ZBTB20: variants seen among roughly 807,000 people sequenced by gnomAD.
ZBTB20 encodes the protein zinc finger and BTB domain containing 20.
Under a neutral mutation model 56.9 loss-of-function variants are expected in ZBTB20, and 9 were observed. The ratio of observed to expected loss-of-function variants is 0.16; its 90% CI spans 0.10 to 0.28. The LOEUF (loss-of-function observed/expected upper bound fraction) is 0.28. Among genes scored for constraint, ZBTB20 ranks in the 10% least tolerant of loss-of-function variants. The pLI, the probability that ZBTB20 is intolerant of heterozygous loss-of-function variation, is 1.00. For synonymous variants in ZBTB20, 417 were observed against 420.7 expected (o/e 0.99, Z 0.11); for missense variants, 655 against 1,003.0 (o/e 0.65, Z 4.69).
intron 7 of ZBTB20, among the ~76,000 whole-genome samples, chr3:114,493,391 A>C (rs1482986160): frequency 6.6e-6 from 1 of 152,174 alleles, no homozygotes; most frequent in Non-Finnish European, 1.5e-5. Flanking sequence ...TCTGGGATAA[A>C]TGCCCCAAAG....
chr3:114,836,411 T>C (rs1199566985), intron 4 of ZBTB20, among the ~76,000 whole-genome samples: 6 of 152,216 alleles, frequency 3.9e-5, no homozygotes, highest in African/African-American at 1.4e-4. Flanking sequence ...GAAATGGTTT[T>C]CCAAAGCAAG....
intron 2 of ZBTB20, among the ~76,000 whole-genome samples, chr3:115,048,974 C>G (rs2081439861): frequency 6.6e-6 from 1 of 152,130 alleles, no homozygotes; most frequent in South Asian, 2.1e-4. Flanking sequence ...TCCATTCATA[C>G]TGAACTATGT....
At chr3:115,082,996 C>T (rs1292828452) in intron 1 of ZBTB20, among the ~76,000 whole-genome samples, 3 of 152,028 alleles carry the variant, frequency 2.0e-5, no homozygotes, top group Admixed American at 2.0e-4. Context: ...CCTGCTCAAA[C>T]CAAATGCTTT....
intron 2 of ZBTB20, among the ~76,000 whole-genome samples, chr3:115,041,150 A>G (rs185616760): frequency 3.4e-4 from 52 of 152,282 alleles, no homozygotes; most frequent in Admixed American, 3.0e-3. Context: ...GGAATCTTAA[A>G]TTTCTCTTGC....
chr3:115,050,807 A>G (rs1240513363), intron 2 of ZBTB20, among the ~76,000 whole-genome samples: 1 of 152,092 alleles, frequency 6.6e-6, no homozygotes, highest in Admixed American at 6.5e-5. Flanking sequence ...TTAAAATATC[A>G]CTGTGTAGTT....
chr3:114,575,105 T>C (rs2053867423), intron 6 of ZBTB20, among the ~76,000 whole-genome samples: 2 of 152,186 alleles, frequency 1.3e-5, no homozygotes, highest in Non-Finnish European at 2.9e-5. Context: ...GCCAATTAAA[T>C]GACAGAACTA....
intron 4 of ZBTB20, among the ~76,000 whole-genome samples, chr3:114,842,829 A>T (rs1414101262): frequency 1.3e-5 from 2 of 152,204 alleles, no homozygotes; most frequent in Non-Finnish European, 2.9e-5. Flanking sequence ...TGATCCAAAA[A>T]GAATGAATCT....
chr3:114,782,436 C>A (rs2070172269), intron 5 of ZBTB20, among the ~76,000 whole-genome samples: 1 of 152,172 alleles, frequency 6.6e-6, no homozygotes, highest in Non-Finnish European at 1.5e-5. Context: ...TATTATGGTA[C>A]TGACAATGGA....
At chr3:114,941,606 C>G (rs1296582158) in intron 3 of ZBTB20, among the ~76,000 whole-genome samples, 1 of 146,168 alleles carries the variant, frequency 6.8e-6, no homozygotes, top group African/African-American at 2.8e-5. Flanking sequence ...TATCTAAAGA[C>G]TCTATAGCTT....
chr3:114,858,967 T>C (rs2937257), intron 4 of ZBTB20, among the ~76,000 whole-genome samples: 131,740 of 152,112 alleles, frequency 0.87, 58,085 homozygotes, highest in East Asian at 0.99. Context: ...TTACATTGTA[T>C]GGCTGGTATG....
chr3:114,820,090 A>T (rs1317693131), intron 4 of ZBTB20, among the ~76,000 whole-genome samples: 1 of 151,994 alleles, frequency 6.6e-6, no homozygotes, highest in Non-Finnish European at 1.5e-5. Context: ...AGAATTTTAC[A>T]TCCTCTAGCC....
intron 7 of ZBTB20, among the ~76,000 whole-genome samples, chr3:114,495,285 G>A (rs909692625): frequency 6.6e-6 from 1 of 152,152 alleles, no homozygotes; most frequent in African/African-American, 2.4e-5. Context: ...CGTGAATGTG[G>A]GGGAGAGTGG....
At chr3:114,878,229 T>A (rs181171137) in intron 4 of ZBTB20, among the ~76,000 whole-genome samples, 1 of 152,208 alleles carries the variant, frequency 6.6e-6, no homozygotes, top group East Asian at 1.9e-4. Context: ...GGGATTCCAC[T>A]GCGATAAAGC....
chr3:114,931,210 GT>G, intron 3 of ZBTB20: 1 of 201,682 alleles, frequency 5.0e-6, no homozygotes, highest in Non-Finnish European at 1.1e-5. Flanking sequence ...TATTTGTATG[GT>G]TTATAGACCA....
At position 115,021,761 on chromosome 3, in the gene ZBTB20, T is replaced by C. The variant is rs1031450180; in HGVS notation, c.-506-47345A>G. Reference sequence around the variant, plus strand: ...AAATAAGTCATCATTACTTAAAATATGTGTAGTGTAACAATGGAAATGTTT... The same window carrying C: ...AAATAAGTCATCATTACTTAAAATACGTGTAGTGTAACAATGGAAATGTTT... On this transcript the variant is annotated intron_variant, in intron 2 of 11. Transcript: ENST00000675478. Among the ~76,000 whole-genome samples, 16 of 150,964 alleles carry C rather than the reference T, an allele frequency of 1.1e-4. No individual in the cohort carries two copies. The Admixed American group carries it at 1.1e-3, about 10-fold the overall frequency.
Position 114,609,751 on chromosome 3 carries a change from C to T in ZBTB20, c.-295+83777G>A, listed in dbSNP as rs144678408. Reference sequence around the variant, plus strand: ...GGCCTGAAAGACAGTGAAATACAGCCGGAAATACACCTGATGGCAGAATCC... The same window carrying T: ...GGCCTGAAAGACAGTGAAATACAGCTGGAAATACACCTGATGGCAGAATCC... On this transcript the variant is annotated intron_variant, in intron 6 of 11. Coordinates refer to ENST00000675478, the MANE Select transcript of ZBTB20 (RefSeq NM_001348800.3). Among the ~76,000 whole-genome samples the T allele has an allele frequency of 2.9e-4, 44 of 152,138 alleles. 1 individual carries two copies. The highest frequency in any genetic ancestry group is 9.2e-4 in the African/African-American group (38 of 41,522).
intron 7 of ZBTB20, among the ~76,000 whole-genome samples, chr3:114,458,424 G>T (rs963927238): frequency 1.3e-5 from 2 of 152,144 alleles, no homozygotes; most frequent in Admixed American, 6.6e-5. Flanking sequence ...TAAAGTCATT[G>T]TAAAATAAAG....
intron 2 of ZBTB20, among the ~76,000 whole-genome samples, chr3:114,976,917 A>G (rs1361298046): frequency 1.3e-5 from 2 of 152,190 alleles, no homozygotes; most frequent in Non-Finnish European, 2.9e-5. Flanking sequence ...AAATAAACAG[A>G]CTACATGAAT....
At chr3:114,789,603 A>G (rs1197432074) in intron 5 of ZBTB20, among the ~76,000 whole-genome samples, 1 of 152,190 alleles carries the variant, frequency 6.6e-6, no homozygotes, top group Non-Finnish European at 1.5e-5. Flanking sequence ...TAGGGCCTGG[A>G]GCATACTGAG....
Sources: allele counts gnomAD v4.1 joint callset (sites outside exome capture counted in the v4.1 genomes callset), GRCh38; gene constraint gnomAD v4.1.1; transcripts MANE v1.5; gene names NCBI Gene and HGNC (gene_info 2026-07-23, HGNC 2026-07-21).